The following NPL variants were observed in gnomAD, a reference collection of about 807,000 sequenced individuals.
The protein encoded by NPL is N-acetylneuraminate lyase.
Under a neutral mutation model 41.1 loss-of-function variants are expected in NPL, and 32 were observed. The observed-to-expected ratio is 0.78, with a 90% CI of 0.59 to 1.05. NPL has a LOEUF of 1.05. Ranked by LOEUF, NPL falls within the 50% of genes least tolerant of loss-of-function variation. The pLI, the probability that NPL is intolerant of heterozygous loss-of-function variation, is 0.00. For synonymous variants in NPL, 128 were observed against 134.9 expected (o/e 0.95, Z 0.35); for missense variants, 321 against 378.4 (o/e 0.85, Z 1.26).
At chr1:182,806,512 AC>A (rs1317717873) in intron 5 of NPL, 1 of 1,536,134 alleles carries the variant, frequency 6.5e-7, no homozygotes, top group Admixed American at 2.0e-5. Flanking sequence ...CCTCACAGTT[AC>A]CCGTCTTTGG....
chr1:182,801,287 T>A (rs1244667360), intron 3 of NPL, among the ~76,000 whole-genome samples: 1 of 152,108 alleles, frequency 6.6e-6, no homozygotes, highest in Admixed American at 6.6e-5. Context: ...ACTTTCTCCT[T>A]TCTTGAAGGG....
intron 3 of NPL, among the ~76,000 whole-genome samples, chr1:182,797,868 A>G (rs1455298858): frequency 6.6e-6 from 1 of 152,228 alleles, no homozygotes; most frequent in Non-Finnish European, 1.5e-5. Flanking sequence ...AATATACAAG[A>G]ACTGAGAAAT....
chr1:182,816,950 TGTCACTCTAAA>T (rs1557950128), intron 8 of NPL, 144 bp downstream of exon 8: 2 of 701,960 alleles, frequency 2.8e-6, no homozygotes, highest in Non-Finnish European at 5.2e-6. Context: ...TGTTTCTAAA[TGTCACTCTAAA>T]GTCCCAGCCC....
At chr1:182,815,053 C>A (rs1014382190) in intron 7 of NPL, among the ~76,000 whole-genome samples, 195 bp downstream of exon 7, 4 of 152,180 alleles carry the variant, frequency 2.6e-5, no homozygotes, top group African/African-American at 4.8e-5. Context: ...TACTTCAGTT[C>A]TTTTGCCCAG....
At chr1:182,790,246 C>T (rs1318779714) in intron 1 of NPL, among the ~76,000 whole-genome samples, 1 of 152,168 alleles carries the variant, frequency 6.6e-6, no homozygotes, top group African/African-American at 2.4e-5. Context: ...GAGGTACATT[C>T]TGCCCTCACT....
chr1:182,820,426 A>G (rs1040575578), intron 10 of NPL, among the ~76,000 whole-genome samples: 2 of 152,236 alleles, frequency 1.3e-5, no homozygotes, highest in Non-Finnish European at 2.9e-5. Flanking sequence ...AAGATGGCCT[A>G]TGACAGCCAT....
At chr1:182,791,812 G>A (rs1311146747) in intron 1 of NPL, among the ~76,000 whole-genome samples, 1 of 152,150 alleles carries the variant, frequency 6.6e-6, no homozygotes, top group African/African-American at 2.4e-5. Flanking sequence ...GATTTAGGAG[G>A]TGTTTAATGC....
At chr1:182,793,912 CAT>C (rs1051302831) in intron 2 of NPL, among the ~76,000 whole-genome samples, 1 of 149,428 alleles carries the variant, frequency 6.7e-6, no homozygotes, top group African/African-American at 2.5e-5. Context: ...GCAGAATTCT[CAT>C]ATGCCAGGCT....
At chr1:182,790,527 T>G (rs1666472814) in intron 1 of NPL, among the ~76,000 whole-genome samples, 1 of 152,220 alleles carries the variant, frequency 6.6e-6, no homozygotes, top group Non-Finnish European at 1.5e-5. Context: ...ATAATGATAA[T>G]TATCTGTTAT....
chr1:182,814,489 T>C (rs1294714664), intron 6 of NPL, among the ~76,000 whole-genome samples: 1 of 152,210 alleles, frequency 6.6e-6, no homozygotes, highest in African/African-American at 2.4e-5. Flanking sequence ...GATATCTCGA[T>C]TAACTGTTAT....
intron 12 of NPL, chr1:182,826,292 T>TGG (rs1667628931): frequency 3.4e-5 from 6 of 175,726 alleles, no homozygotes; most frequent in Non-Finnish European, 1.2e-5. Context: ...AAAGTAAAAT[T>TGG]GGGGAGCAGT....
intron 3 of NPL, among the ~76,000 whole-genome samples, chr1:182,802,872 T>G (rs1051534818): frequency 1.3e-5 from 2 of 152,336 alleles, no homozygotes; most frequent in Admixed American, 6.5e-5. Context: ...CTTGTTAAAA[T>G]TCAGATTCTA....
chr1:182,824,802 C>G (rs903338974), intron 11 of NPL, among the ~76,000 whole-genome samples: 1 of 151,938 alleles, frequency 6.6e-6, no homozygotes, highest in Non-Finnish European at 1.5e-5. Flanking sequence ...GTCTCAAAAA[C>G]ATAATAATAA....
At position 182,829,166 on chromosome 1, in the gene NPL, G is replaced by T; in HGVS notation, c.*258G>T. 1 of 1,322,842 alleles carries T rather than the reference G, an allele frequency of 7.6e-7. No individual in the cohort carries two copies. Among genetic ancestry groups the T allele is most frequent in the Non-Finnish European group, 9.6e-7 (1 of 1,037,716 alleles). 81.9% of individuals were successfully genotyped at this position (1,322,842 alleles called of 1,614,324 possible). On this transcript the variant is annotated 3_prime_UTR_variant, in exon 13 of 13. Coordinates refer to ENST00000367553, the MANE Select transcript of NPL (RefSeq NM_030769.3). ...AATTTCTGTTTATATGGATGAAATGGAATCAAGAGGAAAATTGTAATTGAT... is the reference window on the plus strand; with the variant it reads ...AATTTCTGTTTATATGGATGAAATGTAATCAAGAGGAAAATTGTAATTGAT...
intron 4 of NPL, among the ~76,000 whole-genome samples, chr1:182,804,955 C>G (rs985503825): frequency 6.6e-5 from 10 of 152,196 alleles, no homozygotes; most frequent in African/African-American, 2.2e-4. Flanking sequence ...CCAGAGTATA[C>G]TTGAAGTCAA....
Position 182,828,637 on chromosome 1 carries a change from C to G in NPL, c.779-87C>G. ...TAATCTTACCCTGTTGTAGTAGTTG[C>G]TGTTAGCATATGATCTCCTTCTTTG... On this transcript the variant is annotated intron_variant, in intron 12 of 12. Coordinates refer to ENST00000367553, the MANE Select transcript of NPL (RefSeq NM_030769.3). The surrounding 1 kb of genome is among the most constrained non-coding windows in gnomAD (Gnocchi z 4.0). The G allele has an allele frequency of 6.5e-7, 1 of 1,541,036 alleles. No homozygotes were observed. The highest frequency in any genetic ancestry group is 8.9e-7 in the Non-Finnish European group (1 of 1,120,908).
chr1:182,792,539 T>C (rs1194605493), intron 2 of NPL, among the ~76,000 whole-genome samples: 2 of 152,214 alleles, frequency 1.3e-5, no homozygotes, highest in African/African-American at 4.8e-5. Context: ...GCCTGCTTAT[T>C]GTACTGAGGG....
intron 5 of NPL, among the ~76,000 whole-genome samples, chr1:182,807,274 C>T (rs1435256278): frequency 6.6e-6 from 1 of 152,020 alleles, no homozygotes; most frequent in Non-Finnish European, 1.5e-5. Flanking sequence ...AACTAACACC[C>T]CAACCCTTCT....
intron 5 of NPL, 45 bp from the exon 6 acceptor site, chr1:182,812,111 T>C: frequency 6.2e-7 from 1 of 1,602,614 alleles, no homozygotes; most frequent in Non-Finnish European, 8.5e-7. Context: ...CCCTTCTGCA[T>C]GCCTCTAAAC....
Sources: allele counts gnomAD v4.1 joint callset (sites outside exome capture counted in the v4.1 genomes callset), GRCh38; gene constraint gnomAD v4.1.1; non-coding constraint Gnocchi (gnomAD v3.1); transcripts MANE v1.5; gene names NCBI Gene and HGNC (gene_info 2026-07-23, HGNC 2026-07-21).